Variants in PRKCE observed in about 807,000 individuals in gnomAD.
PRKCE encodes protein kinase C epsilon.
Under a neutral mutation model 85.4 loss-of-function variants are expected in PRKCE, and 16 were observed. That is an observed-to-expected ratio of 0.19 (90% CI 0.13 to 0.28). The LOEUF (loss-of-function observed/expected upper bound fraction) is 0.28, where lower values mean the gene tolerates loss of function less well. PRKCE is among the 10% of genes least tolerant of loss of function. The pLI, the probability that PRKCE is intolerant of heterozygous loss-of-function variation, is 1.00. For synonymous variants in PRKCE, 388 were observed against 371.5 expected (o/e 1.04, Z -0.51); for missense variants, 573 against 975.2 (o/e 0.59, Z 5.49).
intron 10 of PRKCE, among the ~76,000 whole-genome samples, chr2:46,054,558 C>T (rs970104491): frequency 6.6e-6 from 1 of 152,132 alleles, no homozygotes; most frequent in East Asian, 1.9e-4. Context: ...AACTCATGTC[C>T]AAATTTAGAA....
intron 1 of PRKCE, among the ~76,000 whole-genome samples, chr2:45,836,738 C>T (rs1172024358): frequency 6.6e-6 from 1 of 152,234 alleles, no homozygotes; most frequent in African/African-American, 2.4e-5. Flanking sequence ...TCTCACTCTC[C>T]ACCCTCCTCC....
intron 10 of PRKCE, among the ~76,000 whole-genome samples, chr2:46,061,853 CTTTTTCTT>C (rs1427404614): frequency 0.011 from 1,193 of 107,460 alleles, 3 homozygotes; most frequent in Non-Finnish European, 0.015. Context: ...CTTTTCTTTT[CTTTTTCTT>C]TTTTTTTTTT....
At chr2:45,917,768 G>T (rs946564795) in intron 2 of PRKCE, among the ~76,000 whole-genome samples, 1 of 152,220 alleles carries the variant, frequency 6.6e-6, no homozygotes, top group African/African-American at 2.4e-5. Flanking sequence ...CTCACGGTCG[G>T]GGGTGGGAGG....
intron 2 of PRKCE, among the ~76,000 whole-genome samples, chr2:45,891,170 A>C (rs1055690075): frequency 5.9e-5 from 9 of 152,238 alleles, no homozygotes. Flanking sequence ...GATTTACCCG[A>C]CACACACTGA....
At chr2:46,106,294 C>T (rs890270071) in intron 11 of PRKCE, among the ~76,000 whole-genome samples, 1 of 152,198 alleles carries the variant, frequency 6.6e-6, no homozygotes, top group Non-Finnish European at 1.5e-5. Flanking sequence ...AGCCTCTTCT[C>T]ATTGCTTATC....
At position 45,774,628 on chromosome 2, in the gene PRKCE, G is replaced by T. The variant is rs1203009096; in HGVS notation, c.349-68372G>T. 6.6e-6 allele frequency among the ~76,000 whole-genome samples: 1 copy of T among 152,176 alleles called. No homozygotes were observed. Among genetic ancestry groups the T allele is most frequent in the African/African-American group, 2.4e-5 (1 of 41,434 alleles). ...AGCCTGTGGGGTAGGGTTGCACTGA[G>T]AGGGGTATTCTGAAGCCACAGGCCC... is the stretch of plus-strand genomic sequence containing the variant. On this transcript the variant is annotated intron_variant, in intron 1 of 14. Transcript: ENST00000306156. The surrounding 1 kb of genome is among the most constrained non-coding windows in gnomAD (Gnocchi z 4.3).
Position 46,112,817 on chromosome 2 carries a change from G to T in PRKCE, c.1592+26455G>T, listed in dbSNP as rs566350619. Among the ~76,000 whole-genome samples, 14 of 152,180 alleles carry T rather than the reference G, an allele frequency of 9.2e-5. No homozygotes were observed. In the South Asian group the frequency reaches 2.9e-3, roughly 32 times the overall value. On this transcript the variant is annotated intron_variant, in intron 11 of 14. Coordinates refer to ENST00000306156, the MANE Select transcript of PRKCE (RefSeq NM_005400.3). ...TTACAGGTGTGAGCCACCACACCTG[G>T]CCTCTTTATCACTGTTTTCTATTTG...
chr2:45,752,246 T>C (rs1683635035), intron 1 of PRKCE, among the ~76,000 whole-genome samples: 1 of 152,252 alleles, frequency 6.6e-6, no homozygotes, highest in African/African-American at 2.4e-5. Flanking sequence ...ATGAAGCAGA[T>C]ATTATCGTTA....
intron 11 of PRKCE, among the ~76,000 whole-genome samples, chr2:46,097,741 A>C (rs1670848397): frequency 6.6e-6 from 1 of 152,156 alleles, no homozygotes; most frequent in Non-Finnish European, 1.5e-5. Flanking sequence ...TCCCCTACTA[A>C]AGGAATGCCA....
chr2:45,659,069 A>G (rs1435812986), intron 1 of PRKCE, among the ~76,000 whole-genome samples: 1 of 152,224 alleles, frequency 6.6e-6, no homozygotes. Context: ...TGTTGACACT[A>G]AATTCCTAAT....
intron 1 of PRKCE, among the ~76,000 whole-genome samples, chr2:45,749,443 T>C (rs11890554): frequency 0.63 from 95,892 of 152,040 alleles, 30,387 homozygotes; most frequent in South Asian, 0.74. Context: ...AGCTCATGGG[T>C]GCAGTTCTGC....
chr2:45,803,382 T>C (rs1250053631), intron 1 of PRKCE, among the ~76,000 whole-genome samples: 1 of 152,250 alleles, frequency 6.6e-6, no homozygotes, highest in Non-Finnish European at 1.5e-5. Flanking sequence ...GTGCTACCCT[T>C]GAACACAGTG....
At chr2:45,702,710 C>G (rs1346757722) in intron 1 of PRKCE, among the ~76,000 whole-genome samples, 3 of 152,060 alleles carry the variant, frequency 2.0e-5, no homozygotes, top group Non-Finnish European at 2.9e-5. Context: ...AAATAAAGCT[C>G]TAGGGGTACC....
chr2:45,764,289 G>C (rs900752456), intron 1 of PRKCE, among the ~76,000 whole-genome samples: 2 of 152,188 alleles, frequency 1.3e-5, no homozygotes, highest in African/African-American at 4.8e-5. Flanking sequence ...AACACAAGAG[G>C]GGTAAAATTC....
chr2:45,742,082 A>C (rs1352918242), intron 1 of PRKCE, among the ~76,000 whole-genome samples: 1 of 152,212 alleles, frequency 6.6e-6, no homozygotes, highest in Non-Finnish European at 1.5e-5. Flanking sequence ...AAGCACAGGC[A>C]ACAAAAGCAA....
intron 10 of PRKCE, among the ~76,000 whole-genome samples, chr2:46,056,716 A>G (rs1277136030): frequency 6.6e-6 from 1 of 152,194 alleles, no homozygotes; most frequent in East Asian, 1.9e-4. Flanking sequence ...TGCCATCATC[A>G]TGTCATCCTT....
At chr2:45,706,555 C>G (rs1376068698) in intron 1 of PRKCE, among the ~76,000 whole-genome samples, 1 of 152,116 alleles carries the variant, frequency 6.6e-6, no homozygotes, top group Admixed American at 6.5e-5. Flanking sequence ...AGATTGGGTT[C>G]CAGAATGATC....
intron 14 of PRKCE, among the ~76,000 whole-genome samples, chr2:46,171,294 G>C (rs1678870546): frequency 6.6e-6 from 1 of 152,198 alleles, no homozygotes; most frequent in Non-Finnish European, 1.5e-5. Context: ...GCATCTCCTG[G>C]GGTGCCCCTA....
At chr2:45,687,206 T>C (rs1362238510) in intron 1 of PRKCE, among the ~76,000 whole-genome samples, 1 of 151,714 alleles carries the variant, frequency 6.6e-6, no homozygotes, top group African/African-American at 2.4e-5. Context: ...GAATTGAAAA[T>C]CACACATAAA....
Sources: gnomAD v4.1 joint callset for allele counts (sites outside exome capture counted in the v4.1 genomes callset) on GRCh38, gnomAD v4.1.1 for gene constraint, Gnocchi (gnomAD v3.1) non-coding constraint, MANE v1.5 for transcripts, NCBI Gene and HGNC (gene_info 2026-07-23, HGNC 2026-07-21) for gene names.